The following COL27A1 variants were observed in gnomAD, a reference collection of about 807,000 sequenced individuals.
The protein encoded by COL27A1 is collagen type XXVII alpha 1 chain, also known as collagen alpha-1(XXVII) chain.
In COL27A1, 106 loss-of-function variants were observed where a neutral mutation model predicts 251.3. The ratio of observed to expected loss-of-function variants is 0.42; its 90% CI spans 0.36 to 0.50. COL27A1 has a LOEUF of 0.50. Among genes scored for constraint, COL27A1 ranks in the 20% least tolerant of loss-of-function variants. The pLI is 0.00. For missense variants in COL27A1, 2,325 were observed against 2,522.8 expected (o/e 0.92, Z 1.68); for synonymous variants, 1,000 against 986.3 (o/e 1.01, Z -0.26).
chr9:114,209,046 C>G (rs1039739640), intron 10 of COL27A1, among the ~76,000 whole-genome samples: 1 of 152,208 alleles, frequency 6.6e-6, no homozygotes, highest in African/African-American at 2.4e-5. Context: ...AGAGAATTCA[C>G]AGCTCCACTA....
chr9:114,294,264 A>G lies in COL27A1; in HGVS notation c.4584+2054A>G, dbSNP rs972399506. Among the ~76,000 whole-genome samples the G allele has an allele frequency of 2.0e-5, 3 of 151,686 alleles. No homozygotes were observed. The East Asian group carries it at 5.8e-4, about 29-fold the overall frequency. ...CTCTGTCTCAAAAAAAAAAAAAAAA[A>G]AAAAAGAAGGAATACCAATTCTACA... On this transcript the variant is annotated intron_variant, in intron 49 of 60. Transcript: ENST00000356083.
chr9:114,292,323 C>G, intron 49 of COL27A1, 113 bp downstream of exon 49: 2 of 801,780 alleles, frequency 2.5e-6, no homozygotes, highest in Non-Finnish European at 4.0e-6. Flanking sequence ...ACACACTGAC[C>G]CAGAAGCCAC....
intron 12 of COL27A1, among the ~76,000 whole-genome samples, chr9:114,213,669 C>T (rs1047033603): frequency 2.0e-5 from 3 of 152,166 alleles, no homozygotes; most frequent in Non-Finnish European, 4.4e-5. Context: ...AAGGAAGCAA[C>T]GAGTATTGAG....
chr9:114,181,883 G>A (rs577352785), intron 4 of COL27A1, among the ~76,000 whole-genome samples: 8 of 152,356 alleles, frequency 5.3e-5, no homozygotes, highest in African/African-American at 1.9e-4. Flanking sequence ...TCTGGGTCCA[G>A]TGTTCCCAGG....
intron 48 of COL27A1, 152 bp from the exon 49 acceptor site, chr9:114,291,951 A>G (rs1827950612): frequency 1.4e-6 from 1 of 693,080 alleles, no homozygotes; most frequent in East Asian, 2.7e-5. Context: ...TGTCACCCCT[A>G]CCCCACCAGG....
Position 114,167,743 on chromosome 9 carries a change from C to T in COL27A1, c.188C>T (p.Ala63Val), listed in dbSNP as rs1179253905. Residue 63 changes from alanine to valine, a missense_variant, in exon 3 of 61, where the codon GCA (alanine) becomes GTA (valine). Ala to Val is a moderately conservative substitution (Grantham distance 64). This residue lies in a region of COL27A1 where 1,183 missense variants were observed against 1,144.1 expected (regional missense o/e 1.03). Transcript: ENST00000356083. ...GLSWTKAGSPAPPGVIPFQSG... is the reference protein window; with the variant it reads ...GLSWTKAGSPVPPGVIPFQSG... ...AGCTGGACGAAGGCCGGGAGCCCTG[C>T]ACCCCCGGGAGTCATTCCTTTCCAG... The T allele has an allele frequency of 6.2e-7, 1 of 1,613,806 alleles. No individual in the cohort carries two copies. Among genetic ancestry groups the T allele is most frequent in the Non-Finnish European group, 8.5e-7 (1 of 1,179,966 alleles).
chr9:114,247,449 T>C (rs1170402108), intron 24 of COL27A1, among the ~76,000 whole-genome samples: 2 of 152,222 alleles, frequency 1.3e-5, no homozygotes, highest in African/African-American at 4.8e-5. Context: ...ACCCTCTGAG[T>C]TCCATTCATA....
In COL27A1 at chr9:114,302,147, G is replaced by A. The variant is rs139502802; in HGVS notation, c.4872+39G>A. 1.2e-4 allele frequency: 194 copies of A among 1,574,960 alleles called. No individual in the cohort carries two copies. In the Middle Eastern group the frequency reaches 1.8e-3, roughly 14 times the overall value. On this transcript the variant is annotated intron_variant, in intron 56 of 60. Coordinates refer to ENST00000356083, the MANE Select transcript of COL27A1 (RefSeq NM_032888.4). ...CTTCTCTTTTGCCTACTTGGGGTAA[G>A]GCCTGAGGGGTTTGGGGGAAGAGGC... is the stretch of plus-strand genomic sequence containing the variant.
At chr9:114,226,309 C>G (rs1831463613) in intron 14 of COL27A1, among the ~76,000 whole-genome samples, 1 of 152,200 alleles carries the variant, frequency 6.6e-6, no homozygotes, top group Non-Finnish European at 1.5e-5. Flanking sequence ...TACCCCACCA[C>G]CTGGCATGCA....
At chr9:114,194,789 G>A (rs113645263) in intron 6 of COL27A1, among the ~76,000 whole-genome samples, 4 of 152,320 alleles carry the variant, frequency 2.6e-5, no homozygotes, top group African/African-American at 7.2e-5. Context: ...CTAGGTGACT[G>A]TGGGCATCCA....
intron 9 of COL27A1, among the ~76,000 whole-genome samples, chr9:114,206,026 G>A (rs934643093): frequency 1.3e-5 from 2 of 152,100 alleles, no homozygotes; most frequent in African/African-American, 4.8e-5. Context: ...CTGGTTCTGC[G>A]GGGCTGGGGC....
intron 54 of COL27A1, 63 bp from the exon 55 acceptor site, chr9:114,301,619 T>TG: frequency 6.5e-7 from 1 of 1,543,640 alleles, no homozygotes; most frequent in Non-Finnish European, 8.8e-7. Context: ...GAGGAGGGAC[T>TG]GGGTTGGGGA....
At chr9:114,226,837 C>T (rs933739036) in intron 14 of COL27A1, among the ~76,000 whole-genome samples, 1 of 152,238 alleles carries the variant, frequency 6.6e-6, no homozygotes, top group Non-Finnish European at 1.5e-5. Context: ...GAGCAGGCAC[C>T]TGCCTTTGGT....
At chr9:114,241,086 G>A (rs762466820) in intron 21 of COL27A1, among the ~76,000 whole-genome samples, 3 of 152,244 alleles carry the variant, frequency 2.0e-5, no homozygotes, top group Non-Finnish European at 4.4e-5. Flanking sequence ...GCAGAGCATC[G>A]ATTTGCTTAT....
rs1047130347 is a variant in COL27A1, at chr9:114,252,811, G to A, written c.3088-68G>A. 41 of 1,535,540 alleles carry A rather than the reference G, an allele frequency of 2.7e-5. 1 individual carries two copies. Among genetic ancestry groups the A allele is most frequent in the African/African-American group, 5.5e-5 (4 of 73,262 alleles). ...CCTGGCTTTGCACTGGGGCTGAGCC[G>A]ACCGAGGTGGGACTGAAGGAGGAAG... On this transcript the variant is annotated intron_variant, in intron 26 of 60. Coordinates refer to ENST00000356083, the MANE Select transcript of COL27A1 (RefSeq NM_032888.4).
chr9:114,202,266 G>T (rs1392414112), intron 7 of COL27A1, among the ~76,000 whole-genome samples: 1 of 152,234 alleles, frequency 6.6e-6, no homozygotes, highest in East Asian at 1.9e-4. Context: ...CAGAGTTCTT[G>T]TGGCTGCAGA....
intron 32 of COL27A1, among the ~76,000 whole-genome samples, chr9:114,266,328 C>T (rs930402000): frequency 6.6e-6 from 1 of 152,058 alleles, no homozygotes; most frequent in African/African-American, 2.4e-5. Flanking sequence ...AGGGAGGGCC[C>T]CCTGGGCTTT....
At chr9:114,218,193 C>T (rs1385119580) in intron 12 of COL27A1, 2 of 200,030 alleles carry the variant, frequency 1.0e-5, no homozygotes, top group Non-Finnish European at 2.1e-5. Flanking sequence ...TCAGCATGAC[C>T]AAGAAGAGCT....
At chr9:114,219,694 C>A in intron 12 of COL27A1, 97 bp from the exon 13 acceptor site, 1 of 850,742 alleles carries the variant, frequency 1.2e-6, no homozygotes, top group Non-Finnish European at 2.0e-6. Context: ...ACTGCTTGGA[C>A]ATTGTCCTTG....
Sources: allele counts gnomAD v4.1 joint callset (sites outside exome capture counted in the v4.1 genomes callset), GRCh38; gene constraint gnomAD v4.1.1; regional missense constraint gnomAD v4.1.1; transcripts MANE v1.5; gene names NCBI Gene and HGNC (gene_info 2026-07-23, HGNC 2026-07-21).